Variants in UNC79 observed in about 807,000 individuals in gnomAD.
UNC79 encodes protein unc-79 homolog.
A neutral mutation model predicts 283.1 loss-of-function variants in UNC79; 37 were observed. The ratio of observed to expected loss-of-function variants is 0.13; its 90% CI spans 0.10 to 0.17. The LOEUF (loss-of-function observed/expected upper bound fraction) is 0.17, where lower values mean the gene tolerates loss of function less well. Among genes scored for constraint, UNC79 ranks in the 10% least tolerant of loss-of-function variants. The pLI is 1.00. For missense variants in UNC79, 2,272 were observed against 3,211.1 expected, an observed-to-expected ratio of 0.71 and a Z score of 7.07; for synonymous variants, 1,107 against 1,200.2, an observed-to-expected ratio of 0.92 and a Z score of 1.61.
At chr14:93,367,568 A>C (rs2054361221) in intron 1 of UNC79, among the ~76,000 whole-genome samples, 1 of 152,250 alleles carries the variant, frequency 6.6e-6, no homozygotes, top group African/African-American at 2.4e-5. Flanking sequence ...CATGGAAAAG[A>C]AAATGAATCC....
chr14:93,352,303 T>C (rs2053994006), intron 1 of UNC79, among the ~76,000 whole-genome samples: 1 of 152,222 alleles, frequency 6.6e-6, no homozygotes, highest in Admixed American at 6.5e-5. Context: ...TCTCTAACTT[T>C]GGCGGCTTTG....
Position 93,576,804 on chromosome 14 carries a change from C to T in UNC79, c.2212-1038C>T, listed in dbSNP as rs549775021. Among the ~76,000 whole-genome samples the T allele has an allele frequency of 3.3e-5, 5 of 152,254 alleles. No homozygotes were observed. In the South Asian group the frequency reaches 6.2e-4, roughly 19 times the overall value. On this transcript the variant is annotated intron_variant, in intron 17 of 48. Coordinates refer to ENST00000555664, the Ensembl canonical transcript of UNC79. ...TGGGCAGGGAGAGGGGAGAAATACTCCTGCCTCTCTCTCCTCCAGGTCTCA... is the reference window on the plus strand; with the variant it reads ...TGGGCAGGGAGAGGGGAGAAATACTTCTGCCTCTCTCTCCTCCAGGTCTCA...
chr14:93,558,120 A>G (rs1307924313), intron 14 of UNC79, among the ~76,000 whole-genome samples: 1 of 152,212 alleles, frequency 6.6e-6, no homozygotes, highest in Non-Finnish European at 1.5e-5. Context: ...CTCAAACAGC[A>G]GACTTATAGG....
intron 32 of UNC79, among the ~76,000 whole-genome samples, chr14:93,640,565 C>G (rs2068930767): frequency 1.3e-5 from 2 of 152,178 alleles, no homozygotes; most frequent in African/African-American, 4.8e-5. Flanking sequence ...GAGGTTGAGG[C>G]TGCAGTGAGC....
intron 1 of UNC79, among the ~76,000 whole-genome samples, chr14:93,408,831 A>G (rs2055280005): frequency 6.6e-6 from 1 of 152,228 alleles, no homozygotes; most frequent in Non-Finnish European, 1.5e-5. Flanking sequence ...AAGACAGGGT[A>G]TATGGGAACT....
chr14:93,336,470 T>C (rs888098525), intron 1 of UNC79, among the ~76,000 whole-genome samples: 13 of 152,052 alleles, frequency 8.5e-5, no homozygotes, highest in African/African-American at 3.1e-4. Context: ...GCCTCCCGAG[T>C]AGCTGGGATT....
At chr14:93,620,133 A>G (rs1413039728) in intron 29 of UNC79, among the ~76,000 whole-genome samples, 2 of 152,222 alleles carry the variant, frequency 1.3e-5, no homozygotes, top group South Asian at 2.1e-4. Flanking sequence ...AGGATTAGGG[A>G]TCATAAGTGT....
intron 7 of UNC79, among the ~76,000 whole-genome samples, chr14:93,499,177 TAGTA>T (rs1036540997): frequency 7.9e-5 from 12 of 152,252 alleles, no homozygotes; most frequent in African/African-American, 2.9e-4. Context: ...TGAAAGTAGA[TAGTA>T]AGTAAATTTT....
intron 1 of UNC79, among the ~76,000 whole-genome samples, chr14:93,346,939 G>C (rs765494764): frequency 1.3e-5 from 2 of 151,900 alleles, no homozygotes; most frequent in Non-Finnish European, 2.9e-5. Context: ...GGCAGAGCAG[G>C]GGGTACTGAA....
At chr14:93,527,470 G>A (rs1180464665) in intron 8 of UNC79, among the ~76,000 whole-genome samples, 2 of 152,180 alleles carry the variant, frequency 1.3e-5, no homozygotes, top group Non-Finnish European at 2.9e-5. Flanking sequence ...AAACTTACAT[G>A]AGGAAAATTT....
chr14:93,668,978 T>TAAAA (rs543609091), intron 40 of UNC79, among the ~76,000 whole-genome samples: 45 of 79,872 alleles, frequency 5.6e-4, no homozygotes, highest in African/African-American at 9.3e-4. Flanking sequence ...GAACATTGTC[T>TAAAA]AAAAAAAAAA....
chr14:93,365,259 G>A (rs2054305097), intron 1 of UNC79, among the ~76,000 whole-genome samples: 1 of 151,756 alleles, frequency 6.6e-6, no homozygotes. Flanking sequence ...GGTGGCAGGT[G>A]CCTATAATCC....
At chr14:93,457,149 CAATTT>C (rs2056818635) in intron 1 of UNC79, among the ~76,000 whole-genome samples, 1 of 152,224 alleles carries the variant, frequency 6.6e-6, no homozygotes, top group African/African-American at 2.4e-5. Context: ...AGTCATGTGG[CAATTT>C]ATTCATTCAT....
intron 7 of UNC79, among the ~76,000 whole-genome samples, chr14:93,507,423 T>G (rs903053146): frequency 1.3e-5 from 2 of 152,220 alleles, no homozygotes; most frequent in Admixed American, 1.3e-4. Flanking sequence ...TTAGCCATTC[T>G]GGTGAGTGTG....
chr14:93,642,849 C>T (rs2069193587), intron 33 of UNC79, among the ~76,000 whole-genome samples: 1 of 152,208 alleles, frequency 6.6e-6, no homozygotes, highest in South Asian at 2.1e-4. Flanking sequence ...TAGACTTTCG[C>T]TTCCTTTTAT....
chr14:93,489,241 T>A (rs1013152284), intron 5 of UNC79, among the ~76,000 whole-genome samples: 1 of 152,224 alleles, frequency 6.6e-6, no homozygotes, highest in African/African-American at 2.4e-5. Context: ...TCTGGCAACA[T>A]ACAAATTTTG....
chr14:93,592,473 C>T (rs925769741), intron 22 of UNC79, among the ~76,000 whole-genome samples: 4 of 152,038 alleles, frequency 2.6e-5, no homozygotes, highest in African/African-American at 7.2e-5. Flanking sequence ...TGCGCCTGGC[C>T]GACATAACTT....
intron 1 of UNC79, chr14:93,347,537 C>T (rs1292342593): frequency 2.8e-6 from 3 of 1,055,514 alleles, no homozygotes; most frequent in Non-Finnish European, 3.8e-6. Context: ...GGGGAGGTTC[C>T]TGTGGCTTGG....
At chr14:93,580,245 G>C in exon 19 of UNC79, 2 of 1,614,142 alleles carry the variant, frequency 1.2e-6, no homozygotes, top group South Asian at 2.2e-5. Context: ...AGCCCCCTGG[G>C]GGGGATCCCA....
Sources: gnomAD v4.1 joint callset for allele counts (sites outside exome capture counted in the v4.1 genomes callset) on GRCh38, gnomAD v4.1.1 for gene constraint, MANE v1.5 for transcripts, NCBI Gene and HGNC (gene_info 2026-07-23, HGNC 2026-07-21) for gene names.